The following GNAI2 variants were observed in gnomAD, a reference collection of about 807,000 sequenced individuals.
The protein encoded by GNAI2 is G protein subunit alpha i2, also known as guanine nucleotide-binding protein G(i) subunit alpha-2.
A neutral mutation model predicts 36.8 loss-of-function variants in GNAI2; 4 were observed. The ratio of observed to expected loss-of-function variants is 0.11; its 90% confidence interval spans 0.05 to 0.25. GNAI2 has a LOEUF of 0.25. Among genes scored for constraint, GNAI2 ranks in the 10% least tolerant of loss-of-function variants. The probability of loss-of-function intolerance (pLI) is 1.00; values close to 1 mark genes in which losing one functional copy is unlikely to be tolerated. For missense variants in GNAI2, 230 were observed against 481.3 expected, an observed-to-expected ratio of 0.48 and a Z score of 4.89; for synonymous variants, 194 against 194.1, an observed-to-expected ratio of 1.00 and a Z score of 0.01.
rs200441316 is a variant in GNAI2, at chr3:50,253,099, G to A, written c.379G>A (p.Val127Ile). 1.6e-4 allele frequency: 262 copies of A among 1,613,524 alleles called. 2 individuals are homozygous for A. The East Asian group carries it at 3.7e-3, about 23-fold the overall frequency. ...CGTGCTCCCTGATGACCTGTCCGGCGTCATCCGGAGGCTCTGGGCTGACCA... is the reference window on the plus strand; with the variant it reads ...CGTGCTCCCTGATGACCTGTCCGGCATCATCCGGAGGCTCTGGGCTGACCA... Reference protein sequence around the residue: ...QGVLPDDLSGVIRRLWADHGV... With the variant: ...QGVLPDDLSGIIRRLWADHGV... The change falls in exon 4 of 9, where the codon GTC (valine) becomes ATC (isoleucine). Residue 127 changes from valine (V) to isoleucine (I), a missense_variant. Around this residue, in one of 4 missense-constraint regions of GNAI2, gnomAD observed 132 missense variants for 247.4 expected, o/e 0.53. Coordinates refer to ENST00000313601, the MANE Select transcript of GNAI2 (RefSeq NM_002070.4). The surrounding 1 kb of genome is among the most constrained non-coding windows in gnomAD (Gnocchi z 4.2).
chr3:50,231,065 C>A, intron 1 of GNAI2: 1 of 333,458 alleles, frequency 3.0e-6, no homozygotes, highest in South Asian at 1.2e-4. Flanking sequence ...GCCTCTCAGA[C>A]CTACCACCCT....
chr3:50,251,114 T>C (rs1223446363), intron 1 of GNAI2, among the ~76,000 whole-genome samples: 1 of 152,110 alleles, frequency 6.6e-6, no homozygotes, highest in Non-Finnish European at 1.5e-5. Context: ...CCCGGCGGAA[T>C]CTGCTTTTTT....
chr3:50,258,618 C>G lies in GNAI2; in HGVS notation c.*275C>G. 3.4e-6 allele frequency: 1 copy of G among 291,480 alleles called. No individual in the cohort carries two copies. The highest frequency in any genetic ancestry group is 3.1e-5 in the South Asian group (1 of 32,452). The allele number at this position is 291,480 out of a possible 1,614,324, so 18.1% of individuals were successfully genotyped here. A position where few individuals can be genotyped will look rare whatever the true frequency, so the allele number is the denominator to read the frequency against. On this transcript the variant is annotated 3_prime_UTR_variant, in exon 9 of 9. Coordinates refer to ENST00000313601, the MANE Select transcript of GNAI2 (RefSeq NM_002070.4). ...ATCTGTTCTGGTTTTTAACCATTGT[C>G]TTGTTCTGTGATGAGGGGAGGGGGG... is the stretch of plus-strand genomic sequence containing the variant.
upstream of GNAI2, among the ~76,000 whole-genome samples, chr3:50,233,287 A>G (rs1035383452): frequency 6.6e-6 from 1 of 152,162 alleles, no homozygotes; most frequent in Non-Finnish European, 1.5e-5. Flanking sequence ...GCCTTCCAGT[A>G]GCCCCATCTT....
chr3:50,251,479 CGT>C, intron 1 of GNAI2: 1 of 1,083,326 alleles, frequency 9.2e-7, no homozygotes, highest in Non-Finnish European at 1.1e-6. Context: ...AGTCAGTACG[CGT>C]GTGTGTTACA....
In GNAI2 at chr3:50,236,559, T is replaced by C; in HGVS notation, c.118+106T>C. The C allele has an allele frequency of 7.0e-7, 1 of 1,436,242 alleles. No homozygotes were observed. The highest frequency in any genetic ancestry group is 9.2e-7 in the Non-Finnish European group (1 of 1,092,320). The allele number at this position is 1,436,242 out of a possible 1,614,324, so 89.0% of individuals were successfully genotyped here. A position where few individuals can be genotyped will look rare whatever the true frequency, so the allele number is the denominator to read the frequency against. Reference sequence around the variant, plus strand: ...TTCAAACTCCCAGACCCGGGCTGTCTGGGACCCCACACCTGGGCCAGGACC... The same window carrying C: ...TTCAAACTCCCAGACCCGGGCTGTCCGGGACCCCACACCTGGGCCAGGACC... On this transcript the variant is annotated intron_variant, in intron 1 of 8. Transcript: ENST00000313601. This position sits in a 1 kb window ranked among gnomAD's most constrained non-coding sequence, Gnocchi z 4.0.
chr3:50,252,180 G>A lies in GNAI2; in HGVS notation c.161+38G>A, dbSNP rs587709529. ...TTCCAGAGGCAGTGCTCAAACTCCA[G>A]CTTCCCCTCTTCACCCTCTGGGCCT... On this transcript the variant is annotated intron_variant, in intron 2 of 8. Transcript: ENST00000313601. This position sits in a 1 kb window ranked among gnomAD's most constrained non-coding sequence, Gnocchi z 4.1. The A allele has an allele frequency of 1.8e-5, 28 of 1,597,062 alleles. 1 individual carries two copies. The African/African-American group carries it at 2.7e-4, about 15-fold the overall frequency.
upstream of GNAI2, among the ~76,000 whole-genome samples, chr3:50,232,908 G>A (rs1303227526): frequency 1.3e-5 from 2 of 151,918 alleles, no homozygotes; most frequent in African/African-American, 4.8e-5. Context: ...TGAAGTGGTG[G>A]AGAGCCTGGG....
chr3:50,259,033 C>T lies in GNAI2; in HGVS notation c.*690C>T. 2.4e-6 allele frequency: 1 copy of T among 417,904 alleles called. No homozygotes were observed. 25.9% of individuals were successfully genotyped at this position (417,904 alleles called of 1,614,324 possible). A position where few individuals can be genotyped will look rare whatever the true frequency, so the allele number is the denominator to read the frequency against. Reference sequence around the variant, plus strand: ...CCTTGAGTGTGTCTGCGTGTTTACACCCGTCCCTCTGCTGGCCGCCCCCGT... The same window carrying T: ...CCTTGAGTGTGTCTGCGTGTTTACATCCGTCCCTCTGCTGGCCGCCCCCGT... On this transcript the variant is annotated 3_prime_UTR_variant, in exon 9 of 9. Transcript: ENST00000313601.
chr3:50,227,587 C>T (rs1326885159), upstream of GNAI2: 1 of 161,262 alleles, frequency 6.2e-6, no homozygotes. This position sits in a 1 kb window ranked among gnomAD's most constrained non-coding sequence, Gnocchi z 5.9. Flanking sequence ...CCGGAAGAGG[C>T]GGTGCAGCGC....
chr3:50,236,295 C>T lies in GNAI2; in HGVS notation c.-41C>T, dbSNP rs587662487. The T allele has an allele frequency of 4.6e-6, 6 of 1,313,642 alleles. No individual in the cohort carries two copies. The South Asian group carries it at 1.4e-4, about 30-fold the overall frequency. The allele number at this position is 1,313,642 out of a possible 1,614,324, so 81.4% of individuals were successfully genotyped here. A position where few individuals can be genotyped will look rare whatever the true frequency, so the allele number is the denominator to read the frequency against. On this transcript the variant is annotated 5_prime_UTR_variant, in exon 1 of 9. Transcript: ENST00000313601. This position sits in a 1 kb window ranked among gnomAD's most constrained non-coding sequence, Gnocchi z 4.0. ...GGCGGGGCCGAGCCGGGCCGTGGGC[C>T]GTGTGGGGGCCGGGCGGCGGCCGGG...
At position 50,242,006 on chromosome 3, in the gene GNAI2, G is replaced by C. The variant is rs1700309875; in HGVS notation, c.118+5553G>C. On this transcript the variant is annotated intron_variant, in intron 1 of 8. Coordinates refer to ENST00000313601, the MANE Select transcript of GNAI2 (RefSeq NM_002070.4). The surrounding 1 kb of genome is among the most constrained non-coding windows in gnomAD (Gnocchi z 4.8). ...CAGCACTGCAGGGGGTGGGGCAGTA[G>C]GTGCACTTGGGGCTACTTGGGCCAC... Among the ~76,000 whole-genome samples the C allele has an allele frequency of 1.3e-5, 2 of 152,142 alleles. No homozygotes were observed. The highest frequency in any genetic ancestry group is 1.3e-4 in the Admixed American group (2 of 15,282).
intron 1 of GNAI2, chr3:50,251,693 T>C (rs369090614): frequency 7.4e-7 from 1 of 1,344,858 alleles, no homozygotes; most frequent in African/African-American, 1.5e-5. Flanking sequence ...GCAGGGCATC[T>C]TCCTGCCAGC....
At chr3:50,247,459 T>TA (rs1392364274) in intron 1 of GNAI2, among the ~76,000 whole-genome samples, 37 of 152,308 alleles carry the variant, frequency 2.4e-4, no homozygotes, top group Middle Eastern at 6.8e-3. Flanking sequence ...ATTAAGGAGT[T>TA]AGAGGGTCCA....
chr3:50,252,156 T>G lies in GNAI2; in HGVS notation c.161+14T>G. The G allele has an allele frequency of 6.2e-7, 1 of 1,612,320 alleles. No individual in the cohort carries two copies. The highest frequency in any genetic ancestry group is 8.5e-7 in the Non-Finnish European group (1 of 1,178,640). On this transcript the variant is annotated intron_variant, in intron 2 of 8. Coordinates refer to ENST00000313601, the MANE Select transcript of GNAI2 (RefSeq NM_002070.4). The surrounding 1 kb of genome is among the most constrained non-coding windows in gnomAD (Gnocchi z 4.1). ...CAAGCAGATGAAGTAAGTGCTGTAT[T>G]CCAGAGGCAGTGCTCAAACTCCAGC...
intron 1 of GNAI2, among the ~76,000 whole-genome samples, chr3:50,250,732 C>A (rs1278870250): frequency 6.6e-6 from 1 of 152,112 alleles, no homozygotes; most frequent in Non-Finnish European, 1.5e-5. Flanking sequence ...TTTACACAGA[C>A]TCCCTGGGTA....
At chr3:50,244,435 A>G (rs978395937) in intron 1 of GNAI2, among the ~76,000 whole-genome samples, 15 of 152,314 alleles carry the variant, frequency 9.8e-5, no homozygotes, top group Non-Finnish European at 2.1e-4. Context: ...CCCTAATATT[A>G]TGCTTGTTCT....
In GNAI2 at chr3:50,236,236, C is replaced by T; in HGVS notation, c.-100C>T. On this transcript the variant is annotated 5_prime_UTR_variant, in exon 1 of 9. Coordinates refer to ENST00000313601, the MANE Select transcript of GNAI2 (RefSeq NM_002070.4). The surrounding 1 kb of genome is among the most constrained non-coding windows in gnomAD (Gnocchi z 4.0). Reference sequence around the variant, plus strand: ...CGGAACTGCCGACCCGAGTGCTTCCCGCAGAGGGCTGGTGGTGGGAGCGGA... The same window carrying T: ...CGGAACTGCCGACCCGAGTGCTTCCTGCAGAGGGCTGGTGGTGGGAGCGGA... The T allele has an allele frequency of 5.9e-6, 7 of 1,194,562 alleles. No homozygotes were observed. Among genetic ancestry groups the T allele is most frequent in the Non-Finnish European group, 7.3e-6 (7 of 963,742 alleles). The allele number at this position is 1,194,562 out of a possible 1,614,324, so 74.0% of individuals were successfully genotyped here.
At position 50,252,600 on chromosome 3, in the gene GNAI2, G is replaced by C; in HGVS notation, c.303+62G>C. 1 of 1,391,310 alleles carries C rather than the reference G, an allele frequency of 7.2e-7. No homozygotes were observed. The highest frequency in any genetic ancestry group is 2.4e-5 in the East Asian group (1 of 41,224). The allele number at this position is 1,391,310 out of a possible 1,614,324, so 86.2% of individuals were successfully genotyped here. A position where few individuals can be genotyped will look rare whatever the true frequency, so the allele number is the denominator to read the frequency against. On this transcript the variant is annotated intron_variant, in intron 3 of 8. Coordinates refer to ENST00000313601, the MANE Select transcript of GNAI2 (RefSeq NM_002070.4). This position sits in a 1 kb window ranked among gnomAD's most constrained non-coding sequence, Gnocchi z 4.1. ...AAAGGTTTCGGGGTGGCTGGTTGTG[G>C]TGGCTCATGCCTATAAATCCCAGCA...
Sources: allele counts gnomAD v4.1 joint callset (sites outside exome capture counted in the v4.1 genomes callset), GRCh38; gene constraint gnomAD v4.1.1; regional missense constraint gnomAD v4.1.1; non-coding constraint Gnocchi (gnomAD v3.1); transcripts MANE v1.5; gene names NCBI Gene and HGNC (gene_info 2026-07-23, HGNC 2026-07-21).